The following FBXL17 variants were observed in gnomAD, a reference collection of about 807,000 sequenced individuals.
The protein encoded by FBXL17 is F-box/LRR-repeat protein 17.
A neutral mutation model predicts 66.2 loss-of-function variants in FBXL17; 22 were observed. The observed-to-expected ratio is 0.33, with a 90% confidence interval of 0.24 to 0.47. The LOEUF is 0.47. FBXL17 is among the 20% of genes least tolerant of loss of function. FBXL17 has a pLI of 1.00. For synonymous variants in FBXL17, 474 were observed against 400.5 expected (o/e 1.18, Z -2.19); for missense variants, 878 against 948.2 (o/e 0.93, Z 0.97).
chr5:108,185,327 C>T (rs1404006369), intron 6 of FBXL17, among the ~76,000 whole-genome samples: 1 of 152,126 alleles, frequency 6.6e-6, no homozygotes, highest in Non-Finnish European at 1.5e-5. Context: ...AGATTTACCC[C>T]TTGCTGTTCT....
intron 6 of FBXL17, among the ~76,000 whole-genome samples, chr5:108,024,426 C>T (rs1754715002): frequency 6.6e-6 from 1 of 152,108 alleles, no homozygotes; most frequent in Non-Finnish European, 1.5e-5. Flanking sequence ...AGAACAATCA[C>T]GTACATTTTT....
chr5:108,050,770 G>A (rs547297334), intron 6 of FBXL17, among the ~76,000 whole-genome samples: 1 of 151,952 alleles, frequency 6.6e-6, no homozygotes. Flanking sequence ...TCCAGGAGCA[G>A]GTTTTTTGAA....
chr5:107,993,797 G>C lies in FBXL17; in HGVS notation c.1822+27128C>G, dbSNP rs186977593. 4.1e-3 allele frequency among the ~76,000 whole-genome samples: 617 copies of C among 152,212 alleles called. 6 individuals carry two copies. Among genetic ancestry groups the C allele is most frequent in the African/African-American group, 0.014 (601 of 41,558 alleles). On this transcript the variant is annotated intron_variant, in intron 7 of 8. Coordinates refer to ENST00000542267, the MANE Select transcript of FBXL17 (RefSeq NM_001163315.3). ...TCATGGTGCTAGCCCCAGTAATTAA[G>C]TCATGGCAATACCAAAACAAAATAT...
chr5:108,095,453 T>C (rs546293199), intron 6 of FBXL17, among the ~76,000 whole-genome samples: 2 of 152,224 alleles, frequency 1.3e-5, no homozygotes, highest in African/African-American at 4.8e-5. Context: ...AGTAAGCTAT[T>C]AACAAAGAAA....
At chr5:108,190,647 A>G (rs987966616) in intron 5 of FBXL17, among the ~76,000 whole-genome samples, 2 of 151,906 alleles carry the variant, frequency 1.3e-5, no homozygotes, top group African/African-American at 2.4e-5. Context: ...AGATAGGTGG[A>G]TAAAATGGTT....
intron 5 of FBXL17, among the ~76,000 whole-genome samples, chr5:108,188,134 G>A (rs1278461544): frequency 1.3e-5 from 2 of 152,024 alleles, no homozygotes; most frequent in African/African-American, 2.4e-5. Flanking sequence ...GTCATTGGGA[G>A]GGTAGGAGGT....
At chr5:108,023,264 T>C (rs1424839807) in intron 6 of FBXL17, among the ~76,000 whole-genome samples, 1 of 152,124 alleles carries the variant, frequency 6.6e-6, no homozygotes, top group African/African-American at 2.4e-5. Flanking sequence ...CTTGGAAAAC[T>C]TGTAGCAAAA....
intron 6 of FBXL17, among the ~76,000 whole-genome samples, chr5:108,115,321 T>C (rs1310671131): frequency 6.6e-6 from 1 of 152,032 alleles, no homozygotes; most frequent in East Asian, 1.9e-4. Flanking sequence ...ATATGAGAAT[T>C]GAGTATGTAG....
chr5:108,162,439 T>A (rs985759270), intron 6 of FBXL17, among the ~76,000 whole-genome samples: 2 of 152,084 alleles, frequency 1.3e-5, no homozygotes, highest in African/African-American at 4.8e-5. Flanking sequence ...AAGGTTACAG[T>A]GACGTATGTC....
At chr5:108,151,019 T>C (rs1379877114) in intron 6 of FBXL17, among the ~76,000 whole-genome samples, 1 of 152,184 alleles carries the variant, frequency 6.6e-6, no homozygotes, top group Non-Finnish European at 1.5e-5. Context: ...CATTAACCAG[T>C]CTGTCCTTCT....
intron 6 of FBXL17, among the ~76,000 whole-genome samples, chr5:108,132,761 C>T (rs1750985975): frequency 6.6e-6 from 1 of 152,096 alleles, no homozygotes; most frequent in African/African-American, 2.4e-5. Flanking sequence ...TCTTACCATA[C>T]AAAGAAGTAT....
At chr5:108,273,944 A>C (rs1364481373) in intron 4 of FBXL17, among the ~76,000 whole-genome samples, 1 of 152,196 alleles carries the variant, frequency 6.6e-6, no homozygotes, top group Non-Finnish European at 1.5e-5. Context: ...ATCTAGGCTA[A>C]TGAATACAAG....
At chr5:108,330,058 A>G (rs938767546) in intron 4 of FBXL17, among the ~76,000 whole-genome samples, 2 of 152,224 alleles carry the variant, frequency 1.3e-5, no homozygotes, top group African/African-American at 4.8e-5. Context: ...AGAGAACAAT[A>G]GGCTATGGGG....
At chr5:108,282,379 T>C (rs961363073) in intron 4 of FBXL17, among the ~76,000 whole-genome samples, 2 of 151,860 alleles carry the variant, frequency 1.3e-5, no homozygotes, top group African/African-American at 4.8e-5. Flanking sequence ...AATCAATAAA[T>C]GTGATGTATC....
intron 4 of FBXL17, among the ~76,000 whole-genome samples, chr5:108,255,756 T>C (rs1488257897): frequency 6.6e-6 from 1 of 152,086 alleles, no homozygotes; most frequent in Non-Finnish European, 1.5e-5. Context: ...CTCTGCCCCA[T>C]CACAGGTACT....
chr5:108,206,860 A>G (rs1754140834), intron 5 of FBXL17, among the ~76,000 whole-genome samples: 1 of 152,148 alleles, frequency 6.6e-6, no homozygotes, highest in African/African-American at 2.4e-5. Flanking sequence ...CTGTGCTTTC[A>G]TTGATCTTGA....
intron 7 of FBXL17, among the ~76,000 whole-genome samples, chr5:107,894,894 A>C (rs1246551610): frequency 6.6e-6 from 1 of 152,122 alleles, no homozygotes; most frequent in Non-Finnish European, 1.5e-5. Context: ...AATTTTATGA[A>C]ACCTTTAATA....
rs1759546791 is a variant in FBXL17, at chr5:108,320,083, C to G, written c.1506+28316G>C. On this transcript the variant is annotated intron_variant, in intron 4 of 8. Transcript: ENST00000542267. The stretch of plus-strand genomic sequence containing the variant: ...AACATTTAGCATTACAAACTTCTCT[C>G]TCCTTGCTAGCTAGAAATTATTTCA... Among the ~76,000 whole-genome samples the G allele has an allele frequency of 2.0e-5, 3 of 151,770 alleles. No individual in the cohort carries two copies. In the South Asian group the frequency reaches 6.2e-4, roughly 31 times the overall value.
intron 4 of FBXL17, among the ~76,000 whole-genome samples, chr5:108,272,199 G>C (rs1296635199): frequency 6.6e-6 from 1 of 151,974 alleles, no homozygotes; most frequent in Non-Finnish European, 1.5e-5. Context: ...GCTGAGGCAG[G>C]AGAATGGCAT....
Sources: gnomAD v4.1 joint callset for allele counts (sites outside exome capture counted in the v4.1 genomes callset) on GRCh38, gnomAD v4.1.1 for gene constraint, MANE v1.5 for transcripts, NCBI Gene and HGNC (gene_info 2026-07-23, HGNC 2026-07-21) for gene names.